MLLT10: variants seen among roughly 807,000 people sequenced by gnomAD.
The protein encoded by MLLT10 is MLLT10 histone lysine methyltransferase DOT1L cofactor.
A neutral mutation model predicts 129.1 loss-of-function variants in MLLT10; 30 were observed. The observed-to-expected ratio is 0.23, with a 90% CI of 0.17 to 0.32. The LOEUF (loss-of-function observed/expected upper bound fraction) is 0.32, where lower values mean the gene tolerates loss of function less well. Ranked by LOEUF, MLLT10 falls within the 10% of genes least tolerant of loss-of-function variation. The pLI is 1.00. For missense variants in MLLT10, 1,119 were observed against 1,268.3 expected, an observed-to-expected ratio of 0.88 and a Z score of 1.79; for synonymous variants, 490 against 446.4, an observed-to-expected ratio of 1.10 and a Z score of -1.23.
chr10:21,604,891 TC>T (rs1363569764), intron 5 of MLLT10, among the ~76,000 whole-genome samples: 1 of 151,920 alleles, frequency 6.6e-6, no homozygotes, highest in Non-Finnish European at 1.5e-5. Flanking sequence ...ACTGCTTAGT[TC>T]CTATTTTTTG....
At chr10:21,675,843 C>G (rs911130780) in intron 11 of MLLT10, among the ~76,000 whole-genome samples, 3 of 152,086 alleles carry the variant, frequency 2.0e-5, no homozygotes, top group Non-Finnish European at 1.5e-5. Context: ...TGAAACACAT[C>G]TTCAAATTAA....
intron 3 of MLLT10, among the ~76,000 whole-genome samples, chr10:21,579,779 TC>T (rs1466561967): frequency 6.6e-6 from 1 of 151,850 alleles, no homozygotes; most frequent in Non-Finnish European, 1.5e-5. Context: ...GTCAGGCTGG[TC>T]TCGAACTCCT....
rs2033347517 is a variant in MLLT10 at position 21,534,274 on chromosome 10, T to G, written c.-247T>G. 1 of 381,934 alleles carries G rather than the reference T, an allele frequency of 2.6e-6. No individual in the cohort carries two copies. Among genetic ancestry groups the G allele is most frequent in the Non-Finnish European group, 4.5e-6 (1 of 221,130 alleles). The allele number at this position is 381,934 out of a possible 1,614,324, so 23.7% of individuals were successfully genotyped here. A position where few individuals can be genotyped will look rare whatever the true frequency, so the allele number is the denominator to read the frequency against. On this transcript the variant is annotated 5_prime_UTR_variant, in exon 1 of 23. Transcript: ENST00000307729. The stretch of plus-strand genomic sequence containing the variant: ...CTCCGAGGAGGAAGCGCAGCCCCCT[T>G]CCCCTCCCTCGCTGCCCCTGGCCCA...
At chr10:21,600,151 T>TC (rs2043386307) in intron 5 of MLLT10, among the ~76,000 whole-genome samples, 4 of 152,138 alleles carry the variant, frequency 2.6e-5, no homozygotes, top group Non-Finnish European at 5.9e-5. Context: ...GTTCCTTTGG[T>TC]GTGTCTATTT....
intron 13 of MLLT10, chr10:21,708,461 A>C (rs2055745795): frequency 1.7e-6 from 1 of 573,544 alleles, no homozygotes; most frequent in Admixed American, 6.3e-5. Flanking sequence ...CCTGAGGAGC[A>C]AGGAAGTTGA....
chr10:21,701,660 C>T (rs962702251), intron 13 of MLLT10, among the ~76,000 whole-genome samples: 4 of 152,116 alleles, frequency 2.6e-5, no homozygotes, highest in Non-Finnish European at 4.4e-5. Flanking sequence ...GATCTCTTCT[C>T]GCTGCAACCT....
At chr10:21,702,945 G>GT (rs1406458684) in intron 13 of MLLT10, among the ~76,000 whole-genome samples, 2 of 152,028 alleles carry the variant, frequency 1.3e-5, no homozygotes, top group African/African-American at 4.8e-5. Context: ...GATATGTGAG[G>GT]TTTTGTTTTT....
intron 13 of MLLT10, among the ~76,000 whole-genome samples, chr10:21,684,018 T>C (rs1305226710): frequency 6.6e-6 from 1 of 152,090 alleles, no homozygotes; most frequent in African/African-American, 2.4e-5. Context: ...CTTTTTATTT[T>C]TTTTTAGAAG....
chr10:21,553,644 C>G (rs987158827), intron 3 of MLLT10, among the ~76,000 whole-genome samples: 3 of 151,100 alleles, frequency 2.0e-5, no homozygotes, highest in African/African-American at 7.3e-5. Flanking sequence ...GATTTCTTTT[C>G]CTTTTCCTTT....
In MLLT10 at chr10:21,548,438, C is replaced by T. The variant is rs1438130547; in HGVS notation, c.240+9526C>T. ...AGGCTGGAGTGCAGTGTTGCGATCT[C>T]GGCTCACTGCAAGCTCCGCCTCCCG... On this transcript the variant is annotated intron_variant, in intron 3 of 22. Coordinates refer to ENST00000307729, the MANE Select transcript of MLLT10 (RefSeq NM_001195626.3). Among the ~76,000 whole-genome samples the T allele has an allele frequency of 4.7e-5, 7 of 150,148 alleles. No homozygotes were observed. The South Asian group carries it at 8.4e-4, about 18-fold the overall frequency.
At chr10:21,538,090 TC>T (rs2034392382) in intron 2 of MLLT10, among the ~76,000 whole-genome samples, 1 of 151,806 alleles carries the variant, frequency 6.6e-6, no homozygotes, top group Non-Finnish European at 1.5e-5. Flanking sequence ...AGCCTTGACT[TC>T]CCAGGCTCAA....
At position 21,633,753 on chromosome 10, in the gene MLLT10, CAGTT is replaced by C. The variant is rs1209336891; in HGVS notation, c.699+16549_699+16552del. 3.3e-5 allele frequency among the ~76,000 whole-genome samples: 5 copies of C among 152,242 alleles called. No individual in the cohort carries two copies. In the East Asian group the frequency reaches 7.7e-4, roughly 23 times the overall value. ...CACATTGTGATGCTTCCTCTCTACA[CAGTT>C]AGGAATGTATCACCTAAGAAGTTGA... On this transcript the variant is annotated intron_variant, in intron 8 of 22. Coordinates refer to ENST00000307729, the MANE Select transcript of MLLT10 (RefSeq NM_001195626.3).
intron 13 of MLLT10, among the ~76,000 whole-genome samples, chr10:21,695,659 G>A (rs760500216): frequency 6.6e-6 from 1 of 152,106 alleles, no homozygotes; most frequent in African/African-American, 2.4e-5. Context: ...ATTTGTCATC[G>A]TGGGGATTGG....
Position 21,534,755 on chromosome 10 carries a change from C to G in MLLT10, c.111C>G (p.Asn37Lys). The change falls in exon 2 of 23, where the codon AAC becomes AAG. Residue 37 changes from asparagine (N) to lysine (K), a missense_variant. This residue lies in a region of MLLT10 where 33 missense variants were observed against 76.9 expected (regional missense o/e 0.43). Coordinates refer to ENST00000307729, the MANE Select transcript of MLLT10 (RefSeq NM_001195626.3). ...VCSDERGWAE[N>K]PLVYCDGHGC... ...CAGACGAGAGAGGCTGGGCCGAGAA[C>G]CCGCTGGTTTATTGCGACGGGCACG... The G allele has an allele frequency of 6.2e-7, 1 of 1,612,938 alleles. No individual in the cohort carries two copies. Among genetic ancestry groups the G allele is most frequent in the Non-Finnish European group, 8.5e-7 (1 of 1,179,310 alleles).
In MLLT10 at chr10:21,618,712, C is replaced by T. The variant is rs1297819591; in HGVS notation, c.699+1505C>T. 2.0e-5 allele frequency among the ~76,000 whole-genome samples: 3 copies of T among 151,868 alleles called. 1 individual carries two copies. The highest frequency in any genetic ancestry group is 4.4e-5 in the Non-Finnish European group (3 of 67,970). ...GCAGTGGTGTGATCTCAGTCTACCG[C>T]AACCTCTGCCTGCTGGGTTCAAACG... On this transcript the variant is annotated intron_variant, in intron 8 of 22. Transcript: ENST00000307729.
intron 22 of MLLT10, 21 bp from the exon 23 acceptor site, chr10:21,741,918 T>TG: frequency 1.9e-6 from 3 of 1,607,608 alleles, no homozygotes; most frequent in Non-Finnish European, 2.5e-6. Flanking sequence ...CTAACGCATC[T>TG]GCTCTTTTGT....
At chr10:21,556,888 C>T in intron 3 of MLLT10, 1 of 1,550,940 alleles carries the variant, frequency 6.4e-7, no homozygotes, top group Non-Finnish European at 8.7e-7. Flanking sequence ...ATATTTATGG[C>T]TTTATGCCAT....
chr10:21,701,667 A>G (rs1178823445), intron 13 of MLLT10, among the ~76,000 whole-genome samples: 1 of 151,812 alleles, frequency 6.6e-6, no homozygotes, highest in Non-Finnish European at 1.5e-5. Context: ...TCTCGCTGCA[A>G]CCTCTGCCTC....
intron 3 of MLLT10, among the ~76,000 whole-genome samples, chr10:21,580,591 T>C (rs1589056782): frequency 6.6e-6 from 1 of 151,884 alleles, no homozygotes; most frequent in East Asian, 1.9e-4. Flanking sequence ...GGGGTTTCAC[T>C]GTGTTAGCCA....
Sources: allele counts gnomAD v4.1 joint callset (sites outside exome capture counted in the v4.1 genomes callset), GRCh38; gene constraint gnomAD v4.1.1; regional missense constraint gnomAD v4.1.1; transcripts MANE v1.5; gene names NCBI Gene and HGNC (gene_info 2026-07-23, HGNC 2026-07-21).